Variants in BCAS3 observed in about 807,000 individuals in gnomAD.
BCAS3 encodes the protein BCAS3 microtubule associated cell migration factor, also known as BCAS4/BCAS3 fusion.
Under a neutral mutation model 116.1 loss-of-function variants are expected in BCAS3, and 53 were observed. The observed-to-expected ratio is 0.46, with a 90% CI of 0.37 to 0.57. The LOEUF is 0.57. Ranked by LOEUF, BCAS3 falls within the 20% of genes least tolerant of loss-of-function variation. The probability of loss-of-function intolerance (pLI) is 0.00; values close to 1 mark genes in which losing one functional copy is unlikely to be tolerated. For missense variants in BCAS3, 917 were observed against 1,165.4 expected (o/e 0.79, Z 3.10); for synonymous variants, 391 against 408.2 (o/e 0.96, Z 0.51).
intron 12 of BCAS3, 36 bp from the exon 13 acceptor site, chr17:60,924,371 A>G (rs768041677): frequency 1.9e-6 from 3 of 1,590,656 alleles, no homozygotes; most frequent in African/African-American, 2.7e-5. Flanking sequence ...CAGTGAGAAA[A>G]TATTTACCTC....
intron 14 of BCAS3, among the ~76,000 whole-genome samples, chr17:60,984,872 TG>T (rs2063030392): frequency 6.6e-6 from 1 of 151,434 alleles, no homozygotes. Flanking sequence ...TAGATGGGCG[TG>T]GTGGTGCATG....
chr17:60,926,128 TAAG>T (rs1269399553), intron 13 of BCAS3, among the ~76,000 whole-genome samples: 1 of 152,188 alleles, frequency 6.6e-6, no homozygotes, highest in East Asian at 1.9e-4. Flanking sequence ...GTTTGCATTA[TAAG>T]AAGAACATAA....
At chr17:60,810,371 GGGGTCTGGCAGGACTGAGA>G in intron 7 of BCAS3, 1 of 448,430 alleles carries the variant, frequency 2.2e-6, no homozygotes. Flanking sequence ...GGGATGGCGG[GGGGTCTGGCAGGACTGAGA>G]GGCATCCAGA....
chr17:60,880,918 C>A (rs1298820166), intron 9 of BCAS3, among the ~76,000 whole-genome samples: 2 of 151,728 alleles, frequency 1.3e-5, no homozygotes, highest in Non-Finnish European at 2.9e-5. Flanking sequence ...AAAAAATGTT[C>A]CCTCATTCTT....
In BCAS3 at chr17:61,118,719, T is replaced by A. The variant is rs1278522177; in HGVS notation, c.2425+34155T>A. On this transcript the variant is annotated intron_variant, in intron 22 of 23. Transcript: ENST00000407086. The surrounding 1 kb of genome is among the most constrained non-coding windows in gnomAD (Gnocchi z 5.0). Reference sequence around the variant, plus strand: ...GTCTTGCTAGGCTACACATTCCTGTTTTTTTTGGCAAGAGAGAGCAGCCTT... The same window carrying A: ...GTCTTGCTAGGCTACACATTCCTGTATTTTTTGGCAAGAGAGAGCAGCCTT... 6.6e-6 allele frequency among the ~76,000 whole-genome samples: 1 copy of A among 152,160 alleles called. No homozygotes were observed. Among genetic ancestry groups the A allele is most frequent in the Non-Finnish European group, 1.5e-5 (1 of 68,032 alleles).
chr17:60,730,657 C>G (rs955435871), intron 5 of BCAS3, among the ~76,000 whole-genome samples: 33 of 152,080 alleles, frequency 2.2e-4, no homozygotes, highest in African/African-American at 8.0e-4. Context: ...AAACTTTCCT[C>G]AAAGTATGCT....
At chr17:61,179,205 T>C (rs2079326468) in intron 22 of BCAS3, among the ~76,000 whole-genome samples, 1 of 152,086 alleles carries the variant, frequency 6.6e-6, no homozygotes, top group South Asian at 2.1e-4. Context: ...GCCCTTAAAA[T>C]TGAATTTTTG....
Position 61,281,205 on chromosome 17 carries a change from G to A in BCAS3, c.2426-87122G>A, listed in dbSNP as rs1386195491. ...ATAGAATTTCCTTAGAGACAACATA[G>A]TTTTCCACAATTTATTTCACAATGC... On this transcript the variant is annotated intron_variant, in intron 22 of 23. Transcript: ENST00000407086. This position sits in a 1 kb window ranked among gnomAD's most constrained non-coding sequence, Gnocchi z 4.2. 6.6e-6 allele frequency among the ~76,000 whole-genome samples: 1 copy of A among 152,120 alleles called. No individual in the cohort carries two copies. The highest frequency in any genetic ancestry group is 1.5e-5 in the Non-Finnish European group (1 of 68,022).
intron 19 of BCAS3, among the ~76,000 whole-genome samples, chr17:61,044,144 A>G (rs1018330819): frequency 8.6e-5 from 13 of 150,974 alleles, no homozygotes; most frequent in African/African-American, 3.2e-4. Flanking sequence ...TTTTGACCAG[A>G]AAAAAAAATA....
At chr17:61,172,649 T>TAAATAAATAAATAG in intron 22 of BCAS3, among the ~76,000 whole-genome samples, 1 of 136,318 alleles carries the variant, frequency 7.3e-6, no homozygotes, top group African/African-American at 2.7e-5. Context: ...AAAATAATAA[T>TAAATAAATAAATAG]GAAAATAATT....
chr17:61,097,717 A>G lies in BCAS3; in HGVS notation c.2425+13153A>G, dbSNP rs2074068677. Among the ~76,000 whole-genome samples the G allele has an allele frequency of 1.3e-5, 2 of 152,200 alleles. No individual in the cohort carries two copies. Among genetic ancestry groups the G allele is most frequent in the Admixed American group, 6.5e-5 (1 of 15,284 alleles). ...TGTGCTAGGTCTTGCCACATGTCTCATCTCATTTAATCTTCTTTAATTAGG... is the reference window on the plus strand; with the variant it reads ...TGTGCTAGGTCTTGCCACATGTCTCGTCTCATTTAATCTTCTTTAATTAGG... On this transcript the variant is annotated intron_variant, in intron 22 of 23. Transcript: ENST00000407086. The surrounding 1 kb of genome is among the most constrained non-coding windows in gnomAD (Gnocchi z 4.0).
intron 5 of BCAS3, among the ~76,000 whole-genome samples, chr17:60,734,280 C>G (rs974911360): frequency 6.6e-6 from 1 of 152,172 alleles, no homozygotes; most frequent in Non-Finnish European, 1.5e-5. Flanking sequence ...CAGGTGCACA[C>G]TACCACACCC....
chr17:61,291,049 G>T (rs1420924026), intron 22 of BCAS3, among the ~76,000 whole-genome samples: 1 of 152,098 alleles, frequency 6.6e-6, no homozygotes, highest in Non-Finnish European at 1.5e-5. Context: ...CAAAGCGCTG[G>T]GATTACAGAC....
rs559449797 is a variant in BCAS3, at chr17:60,684,246, G to C, written c.138+210G>C. 9.2e-5 allele frequency among the ~76,000 whole-genome samples: 14 copies of C among 152,288 alleles called. No individual in the cohort carries two copies. The East Asian group carries it at 2.7e-3, about 29-fold the overall frequency. On this transcript the variant is annotated intron_variant, in intron 3 of 23. Transcript: ENST00000407086. Reference sequence around the variant, plus strand: ...CATAAATATTATTCCTTAGGACTTTGCCTTCCTAAGAAGAATCAAGGTGAA... The same window carrying C: ...CATAAATATTATTCCTTAGGACTTTCCCTTCCTAAGAAGAATCAAGGTGAA...
At chr17:61,383,306 G>A (rs750290028) in intron 23 of BCAS3, 2 of 152,286 alleles carry the variant, frequency 1.3e-5, no homozygotes, top group African/African-American at 2.4e-5. Context: ...TTCCTACTGT[G>A]AGGAGCTACA....
chr17:61,163,443 A>AAG (rs2078289584), intron 22 of BCAS3, among the ~76,000 whole-genome samples: 1 of 151,702 alleles, frequency 6.6e-6, no homozygotes. Flanking sequence ...AAAAAAAAAA[A>AAG]AAGTTTTTTT....
chr17:61,322,838 G>GAGAGAC (rs2055390074), intron 22 of BCAS3, among the ~76,000 whole-genome samples: 14 of 139,130 alleles, frequency 1.0e-4, no homozygotes, highest in South Asian at 4.4e-4. Context: ...GACAGAGAGA[G>GAGAGAC]AGAGAGAGAG....
At position 61,387,549 on chromosome 17, in the gene BCAS3, G is replaced by T. The variant is rs762470703; in HGVS notation, c.2594-4428G>T. 1.3e-5 allele frequency among the ~76,000 whole-genome samples: 2 copies of T among 152,124 alleles called. No individual in the cohort carries two copies. Among genetic ancestry groups the T allele is most frequent in the Non-Finnish European group, 2.9e-5 (2 of 68,016 alleles). ...CATCCTTCACTTGTTTCATGAGAGC[G>T]GAGGCACCTTTCCTTCAGTTGCTAC... On this transcript the variant is annotated intron_variant, in intron 23 of 23. Transcript: ENST00000407086. This position sits in a 1 kb window ranked among gnomAD's most constrained non-coding sequence, Gnocchi z 6.2.
In BCAS3 at chr17:61,005,200, A is replaced by T. The variant is rs952745441; in HGVS notation, c.1487-10551A>T. Among the ~76,000 whole-genome samples the T allele has an allele frequency of 1.9e-4, 29 of 152,172 alleles. 1 individual carries two copies. Among genetic ancestry groups the T allele is most frequent in the African/African-American group, 6.8e-4 (28 of 41,456 alleles). ...AGGTTTTACGTACGTAGGTAAAGTC[A>T]TAGGCATACTTTTGGAAAAGTAAAT... is the stretch of plus-strand genomic sequence containing the variant. On this transcript the variant is annotated intron_variant, in intron 15 of 23. Coordinates refer to ENST00000407086, the MANE Select transcript of BCAS3 (RefSeq NM_017679.5).
Sources: gnomAD v4.1 joint callset for allele counts (sites outside exome capture counted in the v4.1 genomes callset) on GRCh38, gnomAD v4.1.1 for gene constraint, Gnocchi (gnomAD v3.1) non-coding constraint, MANE v1.5 for transcripts, NCBI Gene and HGNC (gene_info 2026-07-23, HGNC 2026-07-21) for gene names.